UBE2H: variants seen among roughly 807,000 people sequenced by gnomAD.
The protein encoded by UBE2H is ubiquitin conjugating enzyme E2 H.
A neutral mutation model predicts 29.0 loss-of-function variants in UBE2H; 3 were observed. That is an observed-to-expected ratio of 0.10 (90% confidence interval 0.05 to 0.27). The LOEUF is 0.27. Ranked by LOEUF, UBE2H falls within the 10% of genes least tolerant of loss-of-function variation. The pLI is 1.00. For missense variants in UBE2H, 68 were observed against 228.2 expected, an observed-to-expected ratio of 0.30 and a Z score of 4.52; for synonymous variants, 69 against 82.9, an observed-to-expected ratio of 0.83 and a Z score of 0.91.
At chr7:129,865,435 AT>A (rs1397875627) in intron 3 of UBE2H, among the ~76,000 whole-genome samples, 1 of 152,172 alleles carries the variant, frequency 6.6e-6, no homozygotes, top group African/African-American at 2.4e-5. Context: ...GATATTAATG[AT>A]CAAATTTGTG....
At chr7:129,912,642 C>T (rs988584188) in intron 1 of UBE2H, among the ~76,000 whole-genome samples, 3 of 152,142 alleles carry the variant, frequency 2.0e-5, no homozygotes, top group Non-Finnish European at 4.4e-5. Flanking sequence ...ACTTGTGTTA[C>T]GTAGGTGCTC....
chr7:129,872,043 C>T (rs2693724), intron 3 of UBE2H, among the ~76,000 whole-genome samples: 87,428 of 151,818 alleles, frequency 0.58, 25,737 homozygotes, highest in Middle Eastern at 0.68. Flanking sequence ...TTAGTAGACA[C>T]GGGGTTTCAC....
At position 129,831,204 on chromosome 7, in the gene UBE2H, GA is replaced by G. The variant is rs1805219891; in HGVS notation, c.*3732del. The G allele has an allele frequency of 6.6e-6, 1 of 152,340 alleles. No homozygotes were observed. The highest frequency in any genetic ancestry group is 2.1e-4 in the South Asian group (1 of 4,834). 9.4% of individuals were successfully genotyped at this position (152,340 alleles called of 1,614,324 possible). On this transcript the variant is annotated 3_prime_UTR_variant, in exon 7 of 7. Transcript: ENST00000355621. ...ACAAACATGGATTCAGAAGTCCAAAGAAATGCAGTTCGTTGCGCCCAATCAG... is the reference window on the plus strand; with the variant it reads ...ACAAACATGGATTCAGAAGTCCAAAGAATGCAGTTCGTTGCGCCCAATCAG...
intron 1 of UBE2H, among the ~76,000 whole-genome samples, chr7:129,891,263 G>A (rs970682146): frequency 7.3e-5 from 11 of 150,500 alleles, no homozygotes; most frequent in South Asian, 2.2e-4. Flanking sequence ...TTGGCTCACC[G>A]CAACCTCTGC....
chr7:129,944,750 ACGCACG>A (rs1807726231), intron 1 of UBE2H, among the ~76,000 whole-genome samples: 1 of 121,488 alleles, frequency 8.2e-6, no homozygotes. Flanking sequence ...ACACACACAC[ACGCACG>A]CACGCACGCG....
intron 1 of UBE2H, among the ~76,000 whole-genome samples, chr7:129,888,185 AATG>A (rs551217954): frequency 7.3e-4 from 111 of 152,332 alleles, no homozygotes; most frequent in African/African-American, 2.4e-3. Context: ...ATGTTCTTCA[AATG>A]AAGAGGGGGA....
intron 6 of UBE2H, among the ~76,000 whole-genome samples, chr7:129,837,652 T>C (rs1472324454): frequency 1.3e-5 from 2 of 151,492 alleles, no homozygotes; most frequent in East Asian, 3.9e-4. Flanking sequence ...AGATTGGTGG[T>C]GGGAGTGAGT....
At chr7:129,879,495 T>C in intron 3 of UBE2H, 73 bp downstream of exon 3, 1 of 1,375,110 alleles carries the variant, frequency 7.3e-7, no homozygotes, top group Non-Finnish European at 1.0e-6. Context: ...ATTAATTACC[T>C]CCCCTGAAAT....
chr7:129,933,661 C>T (rs531275749), intron 1 of UBE2H, among the ~76,000 whole-genome samples: 8 of 152,276 alleles, frequency 5.3e-5, no homozygotes, highest in African/African-American at 1.9e-4. Flanking sequence ...AATTGAATTC[C>T]CCATCATTGG....
At chr7:129,945,259 T>C (rs1807739912) in intron 1 of UBE2H, among the ~76,000 whole-genome samples, 1 of 152,222 alleles carries the variant, frequency 6.6e-6, no homozygotes, top group Non-Finnish European at 1.5e-5. Flanking sequence ...GTTAACTGTA[T>C]GTCAATTATA....
At chr7:129,928,025 TAAAAAAAAAA>T (rs71175049) in intron 1 of UBE2H, among the ~76,000 whole-genome samples, 2 of 128,550 alleles carry the variant, frequency 1.6e-5, no homozygotes, top group African/African-American at 6.0e-5. Flanking sequence ...ATCTCAAAAT[TAAAAAAAAAA>T]AAAAAAAAAA....
At position 129,846,383 on chromosome 7, in the gene UBE2H, A is replaced by AATAATT. The variant is rs1233896489; in HGVS notation, c.299-7054_299-7049dup. On this transcript the variant is annotated intron_variant, in intron 5 of 6. Coordinates refer to ENST00000355621, the MANE Select transcript of UBE2H (RefSeq NM_003344.4). The stretch of plus-strand genomic sequence containing the variant: ...TAATAATAATAATAATAATAATAAT[A>AATAATT]ATAATTGGGCATGGTGGCATGTGCC... 4.4e-3 allele frequency among the ~76,000 whole-genome samples: 465 copies of AATAATT among 105,124 alleles called. 2 individuals are homozygous for AATAATT. Among genetic ancestry groups the AATAATT allele is most frequent in the African/African-American group, 0.012 (340 of 28,958 alleles). The allele number at this position is 105,124 out of a possible 152,430, so 69.0% of individuals were successfully genotyped here.
intron 1 of UBE2H, among the ~76,000 whole-genome samples, chr7:129,891,251 T>C (rs1464139041): frequency 6.6e-6 from 1 of 151,792 alleles, no homozygotes; most frequent in African/African-American, 2.4e-5. Context: ...AATGGTGCCA[T>C]CTTGGCTCAC....
intron 5 of UBE2H, among the ~76,000 whole-genome samples, chr7:129,852,081 C>T (rs556666216): frequency 1.3e-4 from 20 of 152,300 alleles, no homozygotes; most frequent in Admixed American, 6.5e-4. Context: ...TACTGAAGTT[C>T]TCAAGCTGTT....
intron 3 of UBE2H, among the ~76,000 whole-genome samples, chr7:129,876,729 C>T (rs1485336343): frequency 2.0e-5 from 3 of 152,110 alleles, no homozygotes; most frequent in Non-Finnish European, 4.4e-5. Context: ...AAAAAGAGCT[C>T]AAAGTGTTTG....
intron 1 of UBE2H, 67 bp downstream of exon 1, chr7:129,952,436 G>A: frequency 1.2e-5 from 14 of 1,151,220 alleles, no homozygotes; most frequent in African/African-American, 3.0e-5. Context: ...CAGTGGTTCC[G>A]GGGGTGCCCT....
chr7:129,850,720 CAGG>C (rs1805592783), intron 5 of UBE2H, among the ~76,000 whole-genome samples: 3 of 151,888 alleles, frequency 2.0e-5, no homozygotes, highest in African/African-American at 7.3e-5. Context: ...GAGGCTGAGG[CAGG>C]AGAACTGCTT....
chr7:129,868,042 T>C (rs866516699), intron 3 of UBE2H, among the ~76,000 whole-genome samples: 6 of 152,284 alleles, frequency 3.9e-5, no homozygotes, highest in African/African-American at 9.6e-5. Context: ...GACATTGCTT[T>C]TGTTGTTTTC....
chr7:129,855,752 C>T (rs867630572), intron 5 of UBE2H, among the ~76,000 whole-genome samples: 132 of 152,168 alleles, frequency 8.7e-4, no homozygotes, highest in African/African-American at 3.0e-3. Flanking sequence ...GGGGTACTAG[C>T]CAGGCATGGT....
Sources: allele counts gnomAD v4.1 joint callset (sites outside exome capture counted in the v4.1 genomes callset), GRCh38; gene constraint gnomAD v4.1.1; transcripts MANE v1.5; gene names NCBI Gene and HGNC (gene_info 2026-07-23, HGNC 2026-07-21).